Variants in MYO3A observed in about 807,000 individuals in gnomAD.
MYO3A encodes myosin-IIIa.
In MYO3A, 180 loss-of-function variants were observed where a neutral mutation model predicts 192.7. The observed-to-expected ratio is 0.93, with a 90% CI of 0.83 to 1.06. MYO3A has a LOEUF of 1.06. Among genes scored for constraint, MYO3A ranks in the 50% least tolerant of loss-of-function variants. The pLI, the probability that MYO3A is intolerant of heterozygous loss-of-function variation, is 0.00. For synonymous variants in MYO3A, 628 were observed against 645.3 expected, an observed-to-expected ratio of 0.97 and a Z score of 0.41; for missense variants, 1,896 against 1,905.0, an observed-to-expected ratio of 1.00 and a Z score of 0.09.
At chr10:26,049,324 G>T (rs1843828665) in intron 10 of MYO3A, among the ~76,000 whole-genome samples, 1 of 152,190 alleles carries the variant, frequency 6.6e-6, no homozygotes, top group Non-Finnish European at 1.5e-5. Flanking sequence ...AGCCAGGAGA[G>T]GTGGAGGTGA....
chr10:26,021,592 T>C lies in MYO3A; in HGVS notation c.675T>C (p.Asp225=), dbSNP rs761473187. ...GTATCACGGCCATTGAGCTGGGTGA[T>C]GGAGATCCTCCACTAGCTGACCTTC... The part of the protein sequence containing the change: ...SLGITAIELG[D]GDPPLADLHP... The change falls in exon 8 of 35, where the codon GAT becomes GAC. Residue 225 remains aspartate (D), a synonymous_variant. Coordinates refer to ENST00000642920, the MANE Select transcript of MYO3A (RefSeq NM_017433.5). The C allele has an allele frequency of 6.2e-7, 1 of 1,614,092 alleles. No individual in the cohort carries two copies. Among genetic ancestry groups the C allele is most frequent in the South Asian group, 1.1e-5 (1 of 91,080 alleles).
rs780481550 is a variant in MYO3A, at chr10:25,955,043, C to T, written c.303+35C>T. 9 of 1,608,594 alleles carry T rather than the reference C, an allele frequency of 5.6e-6. No individual in the cohort carries two copies. In the East Asian group the frequency reaches 1.3e-4, roughly 24 times the overall value. ...TCAGCATCATTTGTATGGGTGGAAACTTAGAGTGTGGTTCTGAAATGACTT... is the reference window on the plus strand; with the variant it reads ...TCAGCATCATTTGTATGGGTGGAAATTTAGAGTGTGGTTCTGAAATGACTT... On this transcript the variant is annotated intron_variant, in intron 4 of 34. Transcript: ENST00000642920.
chr10:26,206,273 C>T (rs917664466), intron 34 of MYO3A, among the ~76,000 whole-genome samples: 2 of 150,998 alleles, frequency 1.3e-5, no homozygotes, highest in Non-Finnish European at 3.0e-5. Context: ...GTTGGCCAGG[C>T]TGGTCTTGAA....
intron 17 of MYO3A, among the ~76,000 whole-genome samples, chr10:26,116,787 T>C (rs549445552): frequency 6.6e-6 from 1 of 152,244 alleles, no homozygotes; most frequent in Non-Finnish European, 1.5e-5. Context: ...TTCTCCTGTG[T>C]GATGTAGGAT....
chr10:26,091,301 T>A (rs1307557305), intron 15 of MYO3A, among the ~76,000 whole-genome samples: 1 of 152,192 alleles, frequency 6.6e-6, no homozygotes, highest in Non-Finnish European at 1.5e-5. Context: ...CCACATTTAT[T>A]TTTAGATTAC....
chr10:26,052,749 G>A (rs1030329777), intron 10 of MYO3A, among the ~76,000 whole-genome samples: 3 of 152,070 alleles, frequency 2.0e-5, no homozygotes, highest in Non-Finnish European at 4.4e-5. Flanking sequence ...TTAAAGCAAA[G>A]TAAAAGCAAA....
chr10:26,198,817 CTCTT>C (rs889855852), intron 32 of MYO3A, among the ~76,000 whole-genome samples: 1 of 152,284 alleles, frequency 6.6e-6, no homozygotes, highest in South Asian at 2.1e-4. Flanking sequence ...TGTTTGTCTC[CTCTT>C]TCTTTCTTTT....
chr10:26,146,758 A>G (rs987314516), intron 22 of MYO3A, among the ~76,000 whole-genome samples: 3 of 152,360 alleles, frequency 2.0e-5, no homozygotes, highest in Non-Finnish European at 2.9e-5. Flanking sequence ...AATTTGACCC[A>G]TAACAAATAC....
At chr10:26,118,806 AT>A (rs1838676141) in intron 17 of MYO3A, among the ~76,000 whole-genome samples, 1 of 151,610 alleles carries the variant, frequency 6.6e-6, no homozygotes, top group Non-Finnish European at 1.5e-5. Context: ...TAATTTTTGT[AT>A]TTTTAGTAGA....
At chr10:26,099,768 A>T (rs1837311584) in intron 17 of MYO3A, among the ~76,000 whole-genome samples, 1 of 152,150 alleles carries the variant, frequency 6.6e-6, no homozygotes, top group African/African-American at 2.4e-5. Context: ...AGCCCACTTG[A>T]TCATGGTGGA....
At chr10:26,087,559 T>C (rs1415320023) in intron 14 of MYO3A, among the ~76,000 whole-genome samples, 1 of 152,158 alleles carries the variant, frequency 6.6e-6, no homozygotes, top group Non-Finnish European at 1.5e-5. Flanking sequence ...TGATTGGCTA[T>C]TAACCCAAAT....
intron 10 of MYO3A, among the ~76,000 whole-genome samples, chr10:26,062,530 A>AAAAAACAAAAAAAACAAAAAAAAAAG (rs1554816581): frequency 1.6e-5 from 2 of 125,940 alleles, no homozygotes; most frequent in Non-Finnish European, 1.7e-5. Context: ...AAAAAAAAAA[A>AAAAAACAAAAAAAACAAAAAAAAAAG]AAATTATGGA....
chr10:25,942,229 C>T (rs1006158333), intron 2 of MYO3A, among the ~76,000 whole-genome samples: 2 of 151,892 alleles, frequency 1.3e-5, no homozygotes, highest in South Asian at 2.1e-4. Flanking sequence ...CTTGAACTCC[C>T]GACCTCAAGT....
intron 4 of MYO3A, among the ~76,000 whole-genome samples, chr10:25,991,798 G>A (rs10828925): frequency 0.44 from 66,737 of 150,738 alleles, 15,544 homozygotes; most frequent in East Asian, 0.62. Flanking sequence ...TGTTTTTGTC[G>A]GGTTTGTCAA....
chr10:26,015,206 G>A (rs796460091), intron 6 of MYO3A, among the ~76,000 whole-genome samples: 1 of 152,078 alleles, frequency 6.6e-6, no homozygotes, highest in African/African-American at 2.4e-5. Flanking sequence ...TTTCTGTTCA[G>A]CCTTGGTCCT....
intron 4 of MYO3A, among the ~76,000 whole-genome samples, chr10:25,970,199 A>T (rs972119767): frequency 6.6e-6 from 1 of 152,066 alleles, no homozygotes; most frequent in Non-Finnish European, 1.5e-5. Flanking sequence ...TCTGGACCAT[A>T]AGACAAATAT....
intron 34 of MYO3A, among the ~76,000 whole-genome samples, chr10:26,205,779 G>A (rs942697529): frequency 3.3e-5 from 5 of 151,410 alleles, no homozygotes; most frequent in African/African-American, 7.3e-5. Context: ...ATCACTCCCG[G>A]CTAATATTTT....
intron 4 of MYO3A, among the ~76,000 whole-genome samples, chr10:25,962,435 C>T (rs1588665974): frequency 6.6e-6 from 1 of 152,174 alleles, no homozygotes; most frequent in Non-Finnish European, 1.5e-5. Flanking sequence ...AAGTTTTATG[C>T]TGTGGAAACT....
chr10:26,171,089 A>G (rs1842024246), intron 29 of MYO3A, among the ~76,000 whole-genome samples: 1 of 152,176 alleles, frequency 6.6e-6, no homozygotes, highest in African/African-American at 2.4e-5. Context: ...ACAGACAAAC[A>G]CATCCCTCTT....
Sources: gnomAD v4.1 joint callset for allele counts (sites outside exome capture counted in the v4.1 genomes callset) on GRCh38, gnomAD v4.1.1 for gene constraint, MANE v1.5 for transcripts, NCBI Gene and HGNC (gene_info 2026-07-23, HGNC 2026-07-21) for gene names.